COL4A1: variants seen among roughly 807,000 people sequenced by gnomAD.
The protein encoded by COL4A1 is collagen type IV alpha 1 chain.
Under a neutral mutation model 216.6 loss-of-function variants are expected in COL4A1, and 40 were observed. The ratio of observed to expected loss-of-function variants is 0.18; its 90% confidence interval spans 0.14 to 0.24. COL4A1 has a LOEUF of 0.24. Ranked by LOEUF, COL4A1 falls within the 10% of genes least tolerant of loss-of-function variation. The probability of loss-of-function intolerance (pLI) is 1.00; values close to 1 mark genes in which losing one functional copy is unlikely to be tolerated. For missense variants in COL4A1, 1,628 were observed against 2,196.8 expected, an observed-to-expected ratio of 0.74 and a Z score of 5.18; for synonymous variants, 839 against 810.7, an observed-to-expected ratio of 1.03 and a Z score of -0.59.
At position 110,203,653 on chromosome 13, in the gene COL4A1, A is replaced by G. The variant is rs771414601; in HGVS notation, c.958-46T>C. 5.0e-6 allele frequency: 8 copies of G among 1,600,166 alleles called. No homozygotes were observed. The Admixed American group carries it at 1.3e-4, about 27-fold the overall frequency. ...TTCCTTGCATATTCTTACTATAAAG[A>G]TTGTCTTGCAGAAAGCAGATTAAAC... is the stretch of plus-strand genomic sequence containing the variant. On this transcript the variant is annotated intron_variant, in intron 17 of 51. Transcript: ENST00000375820.
intron 49 of COL4A1, among the ~76,000 whole-genome samples, chr13:110,156,881 T>C (rs531480862): frequency 6.6e-6 from 1 of 152,032 alleles, no homozygotes; most frequent in East Asian, 1.9e-4. Flanking sequence ...TGTCTGTCTG[T>C]GTGTGTGTGT....
chr13:110,233,495 C>G (rs1291348810), intron 2 of COL4A1, among the ~76,000 whole-genome samples: 1 of 152,118 alleles, frequency 6.6e-6, no homozygotes, highest in Non-Finnish European at 1.5e-5. Context: ...GAAGTGATAT[C>G]TCACGCATGT....
chr13:110,221,887 A>G (rs1880496799), intron 2 of COL4A1, among the ~76,000 whole-genome samples: 2 of 152,234 alleles, frequency 1.3e-5, no homozygotes, highest in Non-Finnish European at 2.9e-5. Context: ...GAACCTGCTC[A>G]GTCAGATTCC....
chr13:110,183,060 G>T lies in COL4A1; in HGVS notation c.2028C>A (p.Gly676=), dbSNP rs778947922. Residue 676 remains glycine, a synonymous_variant, in exon 28 of 52, where the codon GGC becomes GGA. Coordinates refer to ENST00000375820, the MANE Select transcript of COL4A1 (RefSeq NM_001845.6). ...RGFPGTPGRP[G]LPGEKGAVGQ... is the part of the protein sequence containing the mutation. ...CCACAGCGCCCTTCTCTCCTGGCAGGCCTGGCCTTCCTGGGGTTCCGGGAA... is the reference window on the plus strand; with the variant it reads ...CCACAGCGCCCTTCTCTCCTGGCAGTCCTGGCCTTCCTGGGGTTCCGGGAA... The T allele has an allele frequency of 1.7e-5, 27 of 1,613,214 alleles. No individual in the cohort carries two copies. The Admixed American group carries it at 4.2e-4, about 25-fold the overall frequency.
At chr13:110,251,744 A>C (rs368400199) in intron 1 of COL4A1, among the ~76,000 whole-genome samples, 1 of 152,224 alleles carries the variant, frequency 6.6e-6, no homozygotes. Context: ...CACAGGTGCA[A>C]GCCGGTACAG....
intron 2 of COL4A1, among the ~76,000 whole-genome samples, chr13:110,231,729 G>T (rs570715153): frequency 6.6e-6 from 1 of 152,288 alleles, no homozygotes; most frequent in South Asian, 2.1e-4. Context: ...TCCAGCTCAA[G>T]GAATTTACTG....
At chr13:110,243,905 C>G (rs994352304) in intron 1 of COL4A1, among the ~76,000 whole-genome samples, 10 of 152,170 alleles carry the variant, frequency 6.6e-5, no homozygotes, top group African/African-American at 4.8e-5. Flanking sequence ...AAATTGTCAT[C>G]ACATGAAAAG....
chr13:110,222,454 A>C (rs1338645099), intron 2 of COL4A1, among the ~76,000 whole-genome samples: 1 of 151,152 alleles, frequency 6.6e-6, no homozygotes, highest in African/African-American at 2.4e-5. Context: ...AATAAACTAA[A>C]CCTCCCTGGT....
intron 26 of COL4A1, among the ~76,000 whole-genome samples, chr13:110,184,042 G>A (rs148645940): frequency 7.8e-4 from 119 of 152,326 alleles, no homozygotes; most frequent in Non-Finnish European, 1.3e-3. Context: ...CCAACTGAAC[G>A]ACCCTAGGAA....
chr13:110,178,930 C>G lies in COL4A1; in HGVS notation c.2451G>C (p.Gly817=). 1.2e-6 allele frequency: 2 copies of G among 1,610,854 alleles called. No homozygotes were observed. The highest frequency in any genetic ancestry group is 1.7e-6 in the Non-Finnish European group (2 of 1,178,788). The stretch of plus-strand genomic sequence containing the variant: ...TAGAAGCATGTCACTCACCTGACAA[C>G]CCCGGTGGTCCCTGTCCTCCAGGGG... The part of the protein sequence containing the change: ...RGPPGGQGPP[G]LSGPPGIKGE... The change falls in exon 31 of 52, where the codon GGG becomes GGC. Residue 817 remains glycine (G), a synonymous_variant. Transcript: ENST00000375820.
In COL4A1 at chr13:110,307,118, T is replaced by C. The variant is rs1162333810; in HGVS notation, c.-91A>G. ...TCTCGGAAGGCCGGACTTCCAGCGCTACGCACCGTCCCGGGTGCGGCGGCT... is the reference window on the plus strand; with the variant it reads ...TCTCGGAAGGCCGGACTTCCAGCGCCACGCACCGTCCCGGGTGCGGCGGCT... On this transcript the variant is annotated 5_prime_UTR_variant, in exon 1 of 52. Coordinates refer to ENST00000375820, the MANE Select transcript of COL4A1 (RefSeq NM_001845.6). The surrounding 1 kb of genome is among the most constrained non-coding windows in gnomAD (Gnocchi z 5.0). 64 of 1,042,956 alleles carry C rather than the reference T, an allele frequency of 6.1e-5. No homozygotes were observed. In the East Asian group the frequency reaches 2.1e-3, roughly 33 times the overall value. The allele number at this position is 1,042,956 out of a possible 1,614,324, so 64.6% of individuals were successfully genotyped here.
At chr13:110,236,931 C>T (rs1881341875) in intron 2 of COL4A1, among the ~76,000 whole-genome samples, 1 of 152,204 alleles carries the variant, frequency 6.6e-6, no homozygotes, top group African/African-American at 2.4e-5. Flanking sequence ...TGGCTGCTGA[C>T]TGGCTGACCT....
Position 110,172,768 on chromosome 13 carries a change from G to C in COL4A1, c.3508C>G (p.Leu1170Val), listed in dbSNP as rs762489395. Residue 1170 changes from leucine (L) to valine (V), a missense_variant and splice_region_variant, in exon 41 of 52, where the codon CTA (leucine) becomes GTA (valine). Leu to Val is a conservative substitution (Grantham distance 32). Transcript: ENST00000375820. The part of the protein sequence containing the change: ...GSAGEKGEPG[L>V]PGRGFPGFPG... Reference sequence around the variant, plus strand: ...AACCCTGGGAATCCTCTTCCTGGTAGACCTATAAGATGAGGGTAAAATGCC... The same window carrying C: ...AACCCTGGGAATCCTCTTCCTGGTACACCTATAAGATGAGGGTAAAATGCC... The C allele has an allele frequency of 1.9e-6, 3 of 1,613,904 alleles. No individual in the cohort carries two copies. The South Asian group carries it at 3.3e-5, about 18-fold the overall frequency.
At chr13:110,166,782 G>A (rs1314172219) in intron 44 of COL4A1, among the ~76,000 whole-genome samples, 4 of 152,150 alleles carry the variant, frequency 2.6e-5, no homozygotes, top group Non-Finnish European at 5.9e-5. Flanking sequence ...TTGAGGCTGC[G>A]ACCTGTTTTA....
intron 2 of COL4A1, among the ~76,000 whole-genome samples, chr13:110,219,674 ATATGTG>A (rs1413572214): frequency 3.5e-4 from 24 of 68,384 alleles, no homozygotes; most frequent in African/African-American, 1.2e-3. Context: ...ATATATATAT[ATATGTG>A]TATATATATG....
intron 2 of COL4A1, among the ~76,000 whole-genome samples, chr13:110,238,214 C>T (rs969606849): frequency 2.0e-5 from 3 of 152,168 alleles, no homozygotes; most frequent in Non-Finnish European, 4.4e-5. Flanking sequence ...TAAAGTATTA[C>T]AAGAAGGTAT....
chr13:110,212,843 C>T (rs1003522133), intron 4 of COL4A1, among the ~76,000 whole-genome samples: 2 of 152,184 alleles, frequency 1.3e-5, no homozygotes, highest in Admixed American at 6.5e-5. Context: ...TGCCATTCGC[C>T]ACTGCAAAGA....
chr13:110,275,200 TA>T (rs1315570858), intron 1 of COL4A1, among the ~76,000 whole-genome samples: 1 of 152,168 alleles, frequency 6.6e-6, no homozygotes, highest in African/African-American at 2.4e-5. Context: ...AAAGACATCT[TA>T]AACTCAACAA....
chr13:110,180,295 T>A (rs1243349333), intron 29 of COL4A1, among the ~76,000 whole-genome samples: 1 of 152,260 alleles, frequency 6.6e-6, no homozygotes, highest in Non-Finnish European at 1.5e-5. Flanking sequence ...GTTGACTAAA[T>A]GTTCAAATGC....
Sources: allele counts gnomAD v4.1 joint callset (sites outside exome capture counted in the v4.1 genomes callset), GRCh38; gene constraint gnomAD v4.1.1; non-coding constraint Gnocchi (gnomAD v3.1); transcripts MANE v1.5; gene names NCBI Gene and HGNC (gene_info 2026-07-23, HGNC 2026-07-21).